Variants in ZC3H11A observed in about 807,000 individuals in gnomAD.
ZC3H11A encodes zinc finger CCCH-type containing 11A, also known as zinc finger CCCH domain-containing protein 11A.
Under a neutral mutation model 90.8 loss-of-function variants are expected in ZC3H11A, and 22 were observed. That is an observed-to-expected ratio of 0.24 (90% CI 0.17 to 0.35). The LOEUF (loss-of-function observed/expected upper bound fraction) is 0.35, where lower values mean the gene tolerates loss of function less well. Among genes scored for constraint, ZC3H11A ranks in the 10% least tolerant of loss-of-function variants. The pLI is 1.00. For missense variants in ZC3H11A, 701 were observed against 964.9 expected (o/e 0.73, Z 3.62); for synonymous variants, 294 against 339.8 (o/e 0.87, Z 1.48).
intron 14 of ZC3H11A, among the ~76,000 whole-genome samples, chr1:203,849,154 G>A (rs1483049796): frequency 2.0e-5 from 3 of 152,088 alleles, no homozygotes; most frequent in African/African-American, 7.2e-5. Context: ...CAACGTGTTG[G>A]GATTACATGT....
intron 2 of ZC3H11A, among the ~76,000 whole-genome samples, chr1:203,811,837 T>C (rs1034802851): frequency 4.6e-5 from 7 of 151,382 alleles, no homozygotes; most frequent in East Asian, 3.9e-4. Context: ...TTTTTTTTTT[T>C]AGACAGGTCT....
intron 1 of ZC3H11A, chr1:203,799,976 T>G: frequency 6.5e-7 from 1 of 1,536,130 alleles, no homozygotes; most frequent in African/African-American, 1.4e-5. Flanking sequence ...CAGAAGCTTC[T>G]TGTCCCTCAG....
intron 11 of ZC3H11A, among the ~76,000 whole-genome samples, chr1:203,839,059 A>G (rs1354898035): frequency 2.6e-5 from 4 of 152,036 alleles, no homozygotes. Context: ...ATGGAGACAG[A>G]TTAGAAGGGG....
chr1:203,815,699 C>G (rs1676150679), intron 2 of ZC3H11A, among the ~76,000 whole-genome samples: 1 of 152,118 alleles, frequency 6.6e-6, no homozygotes. Flanking sequence ...TTGTTAACAT[C>G]AAGGTGACTT....
intron 10 of ZC3H11A, among the ~76,000 whole-genome samples, chr1:203,837,290 C>CA (rs11372939): frequency 0.84 from 118,566 of 141,558 alleles, 49,748 homozygotes; most frequent in East Asian, 0.95. Flanking sequence ...GATCCTGTCT[C>CA]AAAAAAAAAA....
intron 2 of ZC3H11A, among the ~76,000 whole-genome samples, chr1:203,815,799 A>G (rs747236395): frequency 5.9e-5 from 9 of 152,080 alleles, no homozygotes; most frequent in Admixed American, 2.6e-4. Context: ...GTAGATCACT[A>G]TTTCTGAAAC....
rs143451172 is a variant in ZC3H11A, at chr1:203,815,249, C to G, written c.-145-1677C>G. ...TTTTTTTTTGAGACAGTGTCTCGCT[C>G]TGTTGCCCAAGCTGGAGTGCAGTGG... On this transcript the variant is annotated intron_variant, in intron 2 of 17. Coordinates refer to ENST00000367210, the MANE Select transcript of ZC3H11A (RefSeq NM_001376342.1). Among the ~76,000 whole-genome samples the G allele has an allele frequency of 4.7e-3, 517 of 109,906 alleles. 4 individuals carry two copies. Among genetic ancestry groups the G allele is most frequent in the African/African-American group, 0.018 (490 of 27,732 alleles). 72.1% of individuals were successfully genotyped at this position (109,906 alleles called of 152,430 possible).
chr1:203,846,745 TGAAGAA>T (rs1384227018), intron 12 of ZC3H11A, among the ~76,000 whole-genome samples: 3 of 152,242 alleles, frequency 2.0e-5, no homozygotes, highest in Non-Finnish European at 2.9e-5. Flanking sequence ...TTTCAGTTTC[TGAAGAA>T]TAAGCTTCTG....
At chr1:203,816,285 TTAG>T (rs1373377555) in intron 2 of ZC3H11A, among the ~76,000 whole-genome samples, 2 of 152,142 alleles carry the variant, frequency 1.3e-5, no homozygotes, top group Admixed American at 6.5e-5. Flanking sequence ...GACTTTCAAA[TTAG>T]TAGGCAAAAA....
intron 4 of ZC3H11A, among the ~76,000 whole-genome samples, chr1:203,820,690 G>A (rs1304363136): frequency 6.6e-6 from 1 of 152,048 alleles, no homozygotes; most frequent in Non-Finnish European, 1.5e-5. Context: ...ATGTTGGCCA[G>A]GCTGGTCTCG....
rs267598317 is a variant in ZC3H11A, at chr1:203,851,067, C to G, written c.2117C>G (p.Pro706Arg). 14 of 1,613,970 alleles carry G rather than the reference C, an allele frequency of 8.7e-6. No individual in the cohort carries two copies. The highest frequency in any genetic ancestry group is 1.2e-5 in the Non-Finnish European group (14 of 1,180,020). Residue 706 changes from proline to arginine, a missense_variant, in exon 17 of 18, where the codon CCG (proline) becomes CGG (arginine). Transcript: ENST00000367210. ...PAKKAAVAVV[P>R]LVSEDKSVTV... ...CTCTTCCTTTTGTAGGCTGTTGTCC[C>G]GCTTGTCTCTGAGGACAAATCAGTC...
intron 12 of ZC3H11A, among the ~76,000 whole-genome samples, chr1:203,841,712 A>T (rs1412028088): frequency 6.6e-6 from 1 of 151,864 alleles, no homozygotes; most frequent in East Asian, 1.9e-4. Context: ...GGGGCTCCTC[A>T]CTTCCCAGAT....
intron 2 of ZC3H11A, chr1:203,814,933 A>AGTTTCCCT (rs1675765939): frequency 6.6e-6 from 1 of 151,864 alleles, no homozygotes; most frequent in Non-Finnish European, 1.5e-5. Context: ...GGGTTCAAGA[A>AGTTTCCCT]GTTTCCCTAC....
intron 1 of ZC3H11A, chr1:203,798,673 C>T (rs1197719566): frequency 6.5e-7 from 1 of 1,536,092 alleles, no homozygotes; most frequent in Admixed American, 2.0e-5. Context: ...AGTCCTATTC[C>T]CGTTGCAGAG....
chr1:203,799,989 A>G (rs1670041520), intron 1 of ZC3H11A: 1 of 1,536,110 alleles, frequency 6.5e-7, no homozygotes, highest in Non-Finnish European at 8.7e-7. Flanking sequence ...TCCCTCAGTT[A>G]CAGTGGGAGC....
rs926176290 is a variant in ZC3H11A, at chr1:203,853,981, T to C, written c.*1582T>C. On this transcript the variant is annotated 3_prime_UTR_variant, in exon 18 of 18. Coordinates refer to ENST00000367210, the MANE Select transcript of ZC3H11A (RefSeq NM_001376342.1). ...CCTTTTGTATATATTCTTTATTCTTTTGCTTTTTTAAAAAATAATTTTGTT... is the reference window on the plus strand; with the variant it reads ...CCTTTTGTATATATTCTTTATTCTTCTGCTTTTTTAAAAAATAATTTTGTT... 3.9e-5 allele frequency: 6 copies of C among 152,684 alleles called. No homozygotes were observed. The highest frequency in any genetic ancestry group is 1.4e-4 in the African/African-American group (6 of 41,476). The allele number at this position is 152,684 out of a possible 1,614,324, so 9.5% of individuals were successfully genotyped here.
At chr1:203,799,387 C>A (rs1380120701) in intron 1 of ZC3H11A, 1 of 703,204 alleles carries the variant, frequency 1.4e-6, no homozygotes, top group African/African-American at 1.7e-5. Flanking sequence ...TCGGTCAAGG[C>A]CCGTCAGATA....
rs1237497731 is a variant in ZC3H11A at position 203,818,661 on chromosome 1, T to A, written c.146T>A (p.Val49Glu). The part of the protein sequence containing the change: ...LWQEGRCFRQ[V>E]CRFRHMEIDK... Reference sequence around the variant, plus strand: ...CAAGAAGGGCGCTGTTTTCGACAGGTGTGCAGGTTTCGGCACATGGAGATT... The same window carrying A: ...CAAGAAGGGCGCTGTTTTCGACAGGAGTGCAGGTTTCGGCACATGGAGATT... The change falls in exon 4 of 18, where the codon GTG (valine) becomes GAG (glutamate). Residue 49 changes from valine to glutamate, a missense_variant. This residue lies in a region of ZC3H11A where 59 missense variants were observed against 132.8 expected (regional missense o/e 0.44). Coordinates refer to ENST00000367210, the MANE Select transcript of ZC3H11A (RefSeq NM_001376342.1). 1.2e-6 allele frequency: 2 copies of A among 1,614,194 alleles called. No homozygotes were observed. Among genetic ancestry groups the A allele is most frequent in the Non-Finnish European group, 1.7e-6 (2 of 1,180,044 alleles).
intron 4 of ZC3H11A, among the ~76,000 whole-genome samples, chr1:203,822,778 A>G (rs1679211799): frequency 6.6e-6 from 1 of 152,164 alleles, no homozygotes; most frequent in African/African-American, 2.4e-5. Context: ...CCAGTTCCAC[A>G]TGGTCATGTG....
Sources: allele counts gnomAD v4.1 joint callset (sites outside exome capture counted in the v4.1 genomes callset), GRCh38; gene constraint gnomAD v4.1.1; regional missense constraint gnomAD v4.1.1; transcripts MANE v1.5; gene names NCBI Gene and HGNC (gene_info 2026-07-23, HGNC 2026-07-21).